The following ZNF385B variants were observed in gnomAD, a reference collection of about 807,000 sequenced individuals.
ZNF385B encodes zinc finger protein 533.
In ZNF385B, 23 loss-of-function variants were observed where a neutral mutation model predicts 39.2. That is an observed-to-expected ratio of 0.59 (90% CI 0.42 to 0.83). The LOEUF (loss-of-function observed/expected upper bound fraction) is 0.83, where lower values mean the gene tolerates loss of function less well. ZNF385B is among the 40% of genes least tolerant of loss of function. ZNF385B has a pLI of 0.00. For missense variants in ZNF385B, 552 were observed against 598.9 expected, an observed-to-expected ratio of 0.92 and a Z score of 0.82; for synonymous variants, 205 against 222.6, an observed-to-expected ratio of 0.92 and a Z score of 0.70.
At chr2:179,858,123 T>C (rs1559257360) in intron 1 of ZNF385B, among the ~76,000 whole-genome samples, 1 of 151,908 alleles carries the variant, frequency 6.6e-6, no homozygotes, top group South Asian at 2.1e-4. Context: ...TAGAAACAGA[T>C]AAGAAGACTG....
At chr2:179,471,724 C>T (rs1421713399) in intron 6 of ZNF385B, among the ~76,000 whole-genome samples, 1 of 152,094 alleles carries the variant, frequency 6.6e-6, no homozygotes, top group Non-Finnish European at 1.5e-5. Context: ...AATTGGATTT[C>T]AATAGAATTC....
chr2:179,628,685 T>C (rs1690899754), intron 3 of ZNF385B, among the ~76,000 whole-genome samples: 1 of 152,198 alleles, frequency 6.6e-6, no homozygotes, highest in East Asian at 1.9e-4. Flanking sequence ...TGGGCAGTAA[T>C]TGATGATCAT....
At chr2:179,457,396 ATAG>A (rs2050820334) in intron 6 of ZNF385B, among the ~76,000 whole-genome samples, 1 of 152,100 alleles carries the variant, frequency 6.6e-6, no homozygotes, top group Admixed American at 6.5e-5. Context: ...GTATATATAC[ATAG>A]TAGAATTATT....
At chr2:179,606,578 T>C (rs866089697) in intron 3 of ZNF385B, among the ~76,000 whole-genome samples, 8 of 152,262 alleles carry the variant, frequency 5.3e-5, no homozygotes, top group Middle Eastern at 6.8e-3. Context: ...AGATTTACTA[T>C]CTATGAACAT....
intron 1 of ZNF385B, among the ~76,000 whole-genome samples, chr2:179,823,935 A>C (rs1707541431): frequency 6.6e-6 from 1 of 152,126 alleles, no homozygotes; most frequent in Non-Finnish European, 1.5e-5. Flanking sequence ...GGCTTGAGCA[A>C]TTACAGGTAT....
At chr2:179,847,247 C>T (rs958036094) in intron 1 of ZNF385B, among the ~76,000 whole-genome samples, 2 of 152,074 alleles carry the variant, frequency 1.3e-5, no homozygotes, top group Non-Finnish European at 2.9e-5. Flanking sequence ...CTGAGTGGTC[C>T]CCACACTATA....
chr2:179,745,131 T>C (rs1702301367), intron 3 of ZNF385B, among the ~76,000 whole-genome samples: 1 of 152,136 alleles, frequency 6.6e-6, no homozygotes. Flanking sequence ...CCATTCTCAT[T>C]CGGCACACAG....
Position 179,474,109 on chromosome 2 carries a change from A to T in ZNF385B, c.715+9163T>A, listed in dbSNP as rs549720398. ...TATAAGGCCTCTCACAATTTGATTTAAAAAAAAAAACAGTTGTAAAATAGG... is the reference window on the plus strand; with the variant it reads ...TATAAGGCCTCTCACAATTTGATTTTAAAAAAAAAACAGTTGTAAAATAGG... On this transcript the variant is annotated intron_variant, in intron 6 of 9. Coordinates refer to ENST00000410066, the MANE Select transcript of ZNF385B (RefSeq NM_152520.6). 4.4e-4 allele frequency among the ~76,000 whole-genome samples: 45 copies of T among 101,390 alleles called. No individual in the cohort carries two copies. In the South Asian group the frequency reaches 0.01, roughly 23 times the overall value. The allele number at this position is 101,390 out of a possible 152,430, so 66.5% of individuals were successfully genotyped here. A position where few individuals can be genotyped will look rare whatever the true frequency, so the allele number is the denominator to read the frequency against.
At chr2:179,672,491 A>G (rs1401578401) in intron 3 of ZNF385B, among the ~76,000 whole-genome samples, 2 of 152,166 alleles carry the variant, frequency 1.3e-5, no homozygotes, top group Admixed American at 1.3e-4. Context: ...GAAGAAAGAC[A>G]TGAGGTTTAG....
intron 1 of ZNF385B, among the ~76,000 whole-genome samples, chr2:179,835,728 G>A (rs776748785): frequency 1.3e-5 from 2 of 151,906 alleles, no homozygotes; most frequent in Non-Finnish European, 2.9e-5. Context: ...TGTGCCCTGT[G>A]CTTGGGAAGT....
At chr2:179,444,108 T>A (rs62177195) in intron 9 of ZNF385B, among the ~76,000 whole-genome samples, 30,128 of 152,218 alleles carry the variant, frequency 0.2, 3,938 homozygotes, top group Non-Finnish European at 0.29. Flanking sequence ...AATCCTTAAT[T>A]TCTCTCTCTT....
intron 3 of ZNF385B, among the ~76,000 whole-genome samples, chr2:179,598,593 T>C (rs1424544698): frequency 6.6e-6 from 1 of 152,136 alleles, no homozygotes; most frequent in Non-Finnish European, 1.5e-5. Flanking sequence ...GATATGTATT[T>C]ATTAAAAAAT....
In ZNF385B at chr2:179,776,647, T is replaced by C. The variant is rs1022956144; in HGVS notation, c.-154-5975A>G. Among the ~76,000 whole-genome samples the C allele has an allele frequency of 4.6e-5, 7 of 152,194 alleles. No homozygotes were observed. In the East Asian group the frequency reaches 1.4e-3, roughly 29 times the overall value. On this transcript the variant is annotated intron_variant, in intron 1 of 9. Transcript: ENST00000410066. ...TGGCATCTGGGGTGAAAGCCATATA[T>C]GGGAGAGTAGGAGCAATGGGCTGAG...
At chr2:179,500,299 T>C (rs1280046324) in intron 5 of ZNF385B, among the ~76,000 whole-genome samples, 2 of 151,980 alleles carry the variant, frequency 1.3e-5, no homozygotes, top group Non-Finnish European at 2.9e-5. Flanking sequence ...AGACCCAGAA[T>C]CACCAAAGCT....
intron 1 of ZNF385B, 71 bp from the exon 2 acceptor site, chr2:179,770,743 A>T (rs1575460119): frequency 2.0e-5 from 3 of 152,192 alleles, no homozygotes; most frequent in African/African-American, 4.8e-5. Context: ...ATAAGAAATA[A>T]TTTTTTATAT....
At chr2:179,816,438 C>T (rs1274373132) in intron 1 of ZNF385B, among the ~76,000 whole-genome samples, 3 of 152,150 alleles carry the variant, frequency 2.0e-5, no homozygotes, top group African/African-American at 4.8e-5. Context: ...TAAAAACAAA[C>T]GTAAGTTAGA....
At chr2:179,575,612 A>G (rs868201488) in intron 3 of ZNF385B, among the ~76,000 whole-genome samples, 1 of 152,144 alleles carries the variant, frequency 6.6e-6, no homozygotes, top group African/African-American at 2.4e-5. Context: ...GTGAGGCTCC[A>G]TGTGGTAGCT....
chr2:179,854,667 C>A (rs559386640), intron 1 of ZNF385B, among the ~76,000 whole-genome samples: 2 of 152,268 alleles, frequency 1.3e-5, no homozygotes, highest in East Asian at 1.9e-4. Flanking sequence ...TAATGCAAAT[C>A]AAAAATCACA....
intron 6 of ZNF385B, among the ~76,000 whole-genome samples, chr2:179,467,174 G>A (rs981918891): frequency 1.3e-5 from 2 of 152,070 alleles, no homozygotes; most frequent in African/African-American, 4.8e-5. Flanking sequence ...GAGTGATTCT[G>A]AAGTACATTG....
Sources: gnomAD v4.1 joint callset for allele counts (sites outside exome capture counted in the v4.1 genomes callset) on GRCh38, gnomAD v4.1.1 for gene constraint, MANE v1.5 for transcripts, NCBI Gene and HGNC (gene_info 2026-07-23, HGNC 2026-07-21) for gene names.